The following CSMD1 variants were observed in gnomAD, a reference collection of about 807,000 sequenced individuals.
CSMD1 encodes the protein CUB and sushi domain-containing protein 1.
Under a neutral mutation model 417.5 loss-of-function variants are expected in CSMD1, and 213 were observed. The observed-to-expected ratio is 0.51, with a 90% CI of 0.46 to 0.57. CSMD1 has a LOEUF of 0.57. Ranked by LOEUF, CSMD1 falls within the 20% of genes least tolerant of loss-of-function variation. The pLI is 0.00. For synonymous variants in CSMD1, 2,862 were observed against 1,736.8 expected, an observed-to-expected ratio of 1.65 and a Z score of -16.11; for missense variants, 6,923 against 4,529.7, an observed-to-expected ratio of 1.53 and a Z score of -15.17.
intron 1 of CSMD1, among the ~76,000 whole-genome samples, chr8:4,659,928 C>G (rs985582224): frequency 6.6e-6 from 1 of 151,934 alleles, no homozygotes; most frequent in Non-Finnish European, 1.5e-5. Flanking sequence ...AACACCCACT[C>G]AGGATCAAAA....
chr8:3,954,180 A>G (rs1811771741), intron 5 of CSMD1, among the ~76,000 whole-genome samples: 1 of 152,202 alleles, frequency 6.6e-6, no homozygotes, highest in Non-Finnish European at 1.5e-5. Flanking sequence ...TTGCATCCTC[A>G]GAAGAAGGAA....
chr8:3,047,031 A>G (rs1276027700), intron 50 of CSMD1, among the ~76,000 whole-genome samples: 1 of 151,994 alleles, frequency 6.6e-6, no homozygotes. Context: ...AACATGGTGA[A>G]ACCCTGTCTC....
At chr8:4,019,062 C>A (rs1796658881) in intron 4 of CSMD1, among the ~76,000 whole-genome samples, 1 of 152,188 alleles carries the variant, frequency 6.6e-6, no homozygotes, top group African/African-American at 2.4e-5. Flanking sequence ...ACAGATGCTA[C>A]TCCATTTGCT....
At chr8:4,486,596 C>G (rs1223216820) in intron 2 of CSMD1, among the ~76,000 whole-genome samples, 1 of 151,986 alleles carries the variant, frequency 6.6e-6, no homozygotes, top group Non-Finnish European at 1.5e-5. Context: ...GTCCATCTTT[C>G]TGAAACTTTA....
intron 2 of CSMD1, among the ~76,000 whole-genome samples, chr8:4,627,272 T>C (rs1585353762): frequency 6.6e-6 from 1 of 152,218 alleles, no homozygotes; most frequent in African/African-American, 2.4e-5. Flanking sequence ...GAAGAAAAAG[T>C]AAATCTTAAA....
At chr8:3,877,630 T>C (rs1805912104) in intron 5 of CSMD1, among the ~76,000 whole-genome samples, 1 of 152,182 alleles carries the variant, frequency 6.6e-6, no homozygotes, top group Non-Finnish European at 1.5e-5. Context: ...CCAGTTCATC[T>C]ACTCCTTACA....
At chr8:4,100,072 A>G (rs1226320537) in intron 3 of CSMD1, among the ~76,000 whole-genome samples, 1 of 152,176 alleles carries the variant, frequency 6.6e-6, no homozygotes, top group Non-Finnish European at 1.5e-5. Context: ...AATCCAAGAA[A>G]TTTGGGTTAA....
At chr8:2,998,241 T>G in intron 53 of CSMD1, 57 bp from the exon 54 acceptor site, 1 of 1,551,366 alleles carries the variant, frequency 6.4e-7, no homozygotes, top group Admixed American at 1.7e-5. Context: ...TCACTTTCCC[T>G]TGGGATTATT....
intron 4 of CSMD1, among the ~76,000 whole-genome samples, chr8:4,003,263 G>A (rs116423089): frequency 0.013 from 2,033 of 152,014 alleles, 48 homozygotes; most frequent in African/African-American, 0.047. Flanking sequence ...TGTGGTGACG[G>A]GCACTTGTAA....
chr8:3,994,186 T>C (rs1345322235), intron 5 of CSMD1, among the ~76,000 whole-genome samples: 1 of 152,192 alleles, frequency 6.6e-6, no homozygotes, highest in Non-Finnish European at 1.5e-5. Flanking sequence ...TATTTTCTTT[T>C]TCCTTACCTT....
intron 1 of CSMD1, among the ~76,000 whole-genome samples, chr8:4,709,774 G>T (rs1257388500): frequency 6.6e-6 from 1 of 152,166 alleles, no homozygotes; most frequent in Non-Finnish European, 1.5e-5. Context: ...ATGGCTCCCA[G>T]GGAGAAGTCA....
At chr8:3,637,485 T>C (rs1363328801) in intron 7 of CSMD1, among the ~76,000 whole-genome samples, 6 of 152,210 alleles carry the variant, frequency 3.9e-5, no homozygotes, top group Non-Finnish European at 5.9e-5. Flanking sequence ...TTCAGAATTG[T>C]TCTTCTTTGA....
intron 5 of CSMD1, among the ~76,000 whole-genome samples, chr8:3,844,258 G>C (rs1803336479): frequency 6.6e-6 from 1 of 152,186 alleles, no homozygotes; most frequent in South Asian, 2.1e-4. Flanking sequence ...GCAAGTTCCT[G>C]ACGGATGGGT....
At chr8:3,101,712 A>G (rs1481944211) in intron 46 of CSMD1, among the ~76,000 whole-genome samples, 1 of 151,592 alleles carries the variant, frequency 6.6e-6, no homozygotes, top group Non-Finnish European at 1.5e-5. Context: ...GGCATGAGCC[A>G]CCGCATCCGA....
At chr8:4,340,076 G>A (rs558195573) in intron 3 of CSMD1, among the ~76,000 whole-genome samples, 8 of 152,158 alleles carry the variant, frequency 5.3e-5, no homozygotes, top group Admixed American at 3.9e-4. Context: ...CTCTGGTAAC[G>A]TAAGTATTAG....
chr8:4,541,335 G>A (rs1004072455), intron 2 of CSMD1, among the ~76,000 whole-genome samples: 2 of 152,242 alleles, frequency 1.3e-5, no homozygotes, highest in Admixed American at 6.5e-5. Context: ...CAATTACAGT[G>A]GGTACTGCCT....
chr8:3,347,928 G>C, intron 22 of CSMD1, 64 bp downstream of exon 22: 2 of 1,138,424 alleles, frequency 1.8e-6, no homozygotes, highest in South Asian at 3.2e-5. Context: ...TAGAAAAATA[G>C]ATAGACAATG....
intron 3 of CSMD1, among the ~76,000 whole-genome samples, chr8:4,211,407 C>T (rs927002976): frequency 1.3e-5 from 2 of 152,126 alleles, no homozygotes; most frequent in East Asian, 3.9e-4. Flanking sequence ...TTACCTAAAT[C>T]AGCATCACTG....
At chr8:4,521,773 G>A (rs900002512) in intron 2 of CSMD1, among the ~76,000 whole-genome samples, 1 of 152,080 alleles carries the variant, frequency 6.6e-6, no homozygotes, top group Non-Finnish European at 1.5e-5. Flanking sequence ...GCTCTTCACT[G>A]GATACTTAAG....
Sources: allele counts gnomAD v4.1 joint callset (sites outside exome capture counted in the v4.1 genomes callset), GRCh38; gene constraint gnomAD v4.1.1; transcripts MANE v1.5; gene names NCBI Gene and HGNC (gene_info 2026-07-23, HGNC 2026-07-21).